Variants in PHYHIPL observed in about 807,000 individuals in gnomAD.
PHYHIPL encodes the protein phytanoyl-CoA hydroxylase-interacting protein-like.
PHYHIPL carries 9 observed loss-of-function variants against 33.4 expected under a neutral mutation model. The observed-to-expected ratio is 0.27, with a 90% CI of 0.16 to 0.47. PHYHIPL has a LOEUF of 0.47. PHYHIPL is among the 20% of genes least tolerant of loss of function. The pLI, the probability that PHYHIPL is intolerant of heterozygous loss-of-function variation, is 0.99. For synonymous variants in PHYHIPL, 153 were observed against 154.1 expected (o/e 0.99, Z 0.05); for missense variants, 365 against 460.7 (o/e 0.79, Z 1.90).
intron 1 of PHYHIPL, among the ~76,000 whole-genome samples, chr10:59,179,638 A>T (rs1199774622): frequency 1.3e-5 from 2 of 151,982 alleles, no homozygotes; most frequent in Non-Finnish European, 2.9e-5. Flanking sequence ...GGTGAACATA[A>T]CTGTATATCT....
intron 1 of PHYHIPL, among the ~76,000 whole-genome samples, chr10:59,177,909 T>G (rs552134714): frequency 6.6e-6 from 1 of 152,328 alleles, no homozygotes; most frequent in South Asian, 2.1e-4. Context: ...TCACATGTTG[T>G]TAAGAGGGCC....
At chr10:59,209,749 C>G (rs556036610) in intron 1 of PHYHIPL, among the ~76,000 whole-genome samples, 2 of 152,110 alleles carry the variant, frequency 1.3e-5, no homozygotes, top group African/African-American at 4.8e-5. Flanking sequence ...GAACAGATGC[C>G]TCAGAAATAA....
chr10:59,235,620 CT>C (rs1840206510), intron 2 of PHYHIPL, among the ~76,000 whole-genome samples: 1 of 151,776 alleles, frequency 6.6e-6, no homozygotes, highest in Non-Finnish European at 1.5e-5. Context: ...TCTGATTATG[CT>C]TTCAGTGATG....
At chr10:59,184,076 T>C (rs1483030512) in intron 1 of PHYHIPL, among the ~76,000 whole-genome samples, 1 of 152,204 alleles carries the variant, frequency 6.6e-6, no homozygotes, top group East Asian at 1.9e-4. Flanking sequence ...TAACTTTTGA[T>C]CATCTACTGT....
intron 1 of PHYHIPL, among the ~76,000 whole-genome samples, chr10:59,213,724 C>G (rs1480167204): frequency 6.6e-6 from 1 of 152,132 alleles, no homozygotes; most frequent in Non-Finnish European, 1.5e-5. Flanking sequence ...AGTTAGAGTT[C>G]TTGGCTGAAA....
At chr10:59,173,781 G>A (rs1380444284), upstream of PHYHIPL, among the ~76,000 whole-genome samples, 1 of 152,060 alleles carries the variant, frequency 6.6e-6, no homozygotes, top group African/African-American at 2.4e-5. Flanking sequence ...TTTTATGGCT[G>A]GCTTTGGGGA....
intron 1 of PHYHIPL, among the ~76,000 whole-genome samples, chr10:59,219,665 T>C (rs967576916): frequency 6.6e-6 from 1 of 152,122 alleles, no homozygotes; most frequent in East Asian, 1.9e-4. Flanking sequence ...GTCAATTACA[T>C]GAATTTGCTT....
intron 1 of PHYHIPL, among the ~76,000 whole-genome samples, chr10:59,200,873 AG>A (rs141332569): frequency 0.012 from 1,842 of 152,242 alleles, 38 homozygotes; most frequent in African/African-American, 0.042. Flanking sequence ...CTCTGATGGT[AG>A]TTTGTATTTC....
Position 59,246,621 on chromosome 10 carries a change from C to T in PHYHIPL, c.*1030C>T. ...ATGATATACACTGAAGTTGATGAAG[C>T]AAATAAATATTCTGGCTTCTTTTTC... On this transcript the variant is annotated 3_prime_UTR_variant, in exon 5 of 5. Coordinates refer to ENST00000373880, the MANE Select transcript of PHYHIPL (RefSeq NM_032439.4). 2.5e-6 allele frequency: 1 copy of T among 397,666 alleles called. No individual in the cohort carries two copies. The highest frequency in any genetic ancestry group is 4.4e-6 in the Non-Finnish European group (1 of 225,200). 24.6% of individuals were successfully genotyped at this position (397,666 alleles called of 1,614,324 possible).
chr10:59,187,859 C>T (rs1238860313), intron 1 of PHYHIPL, among the ~76,000 whole-genome samples: 1 of 151,918 alleles, frequency 6.6e-6, no homozygotes, highest in East Asian at 1.9e-4. Flanking sequence ...TCTCTCTTTT[C>T]TTCTTTATTA....
At chr10:59,231,853 A>G (rs1057428384) in intron 1 of PHYHIPL, among the ~76,000 whole-genome samples, 4 of 152,088 alleles carry the variant, frequency 2.6e-5, no homozygotes, top group African/African-American at 9.7e-5. Context: ...AAAGTAGAAC[A>G]ATTACAGACA....
At chr10:59,239,816 C>T (rs760794121) in intron 4 of PHYHIPL, among the ~76,000 whole-genome samples, 8 of 151,966 alleles carry the variant, frequency 5.3e-5, no homozygotes, top group Non-Finnish European at 1.2e-4. Flanking sequence ...TGTAAAACTT[C>T]TTACACAGCA....
chr10:59,198,323 G>A (rs536276660), intron 1 of PHYHIPL, among the ~76,000 whole-genome samples: 6 of 152,024 alleles, frequency 3.9e-5, no homozygotes, highest in Non-Finnish European at 7.4e-5. Context: ...TTGTCCTTGC[G>A]ATAGTTTTCT....
intron 4 of PHYHIPL, among the ~76,000 whole-genome samples, chr10:59,241,435 C>T (rs967681942): frequency 5.9e-5 from 9 of 152,002 alleles, no homozygotes; most frequent in Non-Finnish European, 8.8e-5. Flanking sequence ...ATGAAAACAC[C>T]ACTTTCTTTC....
chr10:59,236,796 A>G (rs987945535), intron 3 of PHYHIPL, 139 bp downstream of exon 3: 1 of 637,802 alleles, frequency 1.6e-6, no homozygotes, highest in Non-Finnish European at 2.4e-6. Context: ...GCATTGTGTA[A>G]CAGAATAAAC....
intron 1 of PHYHIPL, among the ~76,000 whole-genome samples, chr10:59,213,963 A>G (rs1839536987): frequency 6.6e-6 from 1 of 152,100 alleles, no homozygotes; most frequent in Non-Finnish European, 1.5e-5. Context: ...TTCTGCCACT[A>G]GAAACTCCTT....
intron 1 of PHYHIPL, among the ~76,000 whole-genome samples, chr10:59,214,597 A>G (rs867192464): frequency 1.3e-5 from 2 of 152,120 alleles, no homozygotes; most frequent in Non-Finnish European, 2.9e-5. Context: ...TAATTCTGTC[A>G]TTCCTGCTCC....
chr10:59,174,514 TC>T (rs963788050), upstream of PHYHIPL, among the ~76,000 whole-genome samples: 2 of 152,188 alleles, frequency 1.3e-5, no homozygotes, highest in African/African-American at 4.8e-5. Context: ...ATATTTAATA[TC>T]GAAAGTTAAA....
At position 59,176,879 on chromosome 10, in the gene PHYHIPL, C is replaced by T; in HGVS notation, c.26C>T (p.Ala9Val). 6.2e-7 allele frequency: 1 copy of T among 1,613,376 alleles called. No individual in the cohort carries two copies. Among genetic ancestry groups the T allele is most frequent in the Non-Finnish European group, 8.5e-7 (1 of 1,179,722 alleles). The change falls in exon 1 of 5, where the codon GCC becomes GTC. Residue 9 changes from alanine to valine, a missense_variant. Ala to Val is a moderately conservative substitution (Grantham distance 64). Transcript: ENST00000373880. Reference sequence around the variant, plus strand: ...ATGGAGGTGCCGCGCCTGGATCATGCCCTCAACAGCCCCACCAGCCCCTGT... The same window carrying T: ...ATGGAGGTGCCGCGCCTGGATCATGTCCTCAACAGCCCCACCAGCCCCTGT... MEVPRLDH[A>V]LNSPTSPCEE...
Sources: gnomAD v4.1 joint callset for allele counts (sites outside exome capture counted in the v4.1 genomes callset) on GRCh38, gnomAD v4.1.1 for gene constraint, MANE v1.5 for transcripts, NCBI Gene and HGNC (gene_info 2026-07-23, HGNC 2026-07-21) for gene names.